The following GLDC variants were observed in gnomAD, a reference collection of about 807,000 sequenced individuals.
GLDC encodes the protein glycine decarboxylase, also known as glycine dehydrogenase (decarboxylating), mitochondrial.
Under a neutral mutation model 121.3 loss-of-function variants are expected in GLDC, and 104 were observed. The ratio of observed to expected loss-of-function variants is 0.86; its 90% CI spans 0.73 to 1.01. GLDC has a LOEUF of 1.01. Among genes scored for constraint, GLDC ranks in the 50% least tolerant of loss-of-function variants. GLDC has a pLI of 0.00. For missense variants in GLDC, 1,429 were observed against 1,306.6 expected, an observed-to-expected ratio of 1.09 and a Z score of -1.44; for synonymous variants, 546 against 480.6, an observed-to-expected ratio of 1.14 and a Z score of -1.78.
intron 1 of GLDC, 145 bp from the exon 2 acceptor site, chr9:6,644,837 G>T: frequency 1.5e-6 from 1 of 688,892 alleles, no homozygotes; most frequent in Non-Finnish European, 2.6e-6. Context: ...CTCTGAGCAA[G>T]CCAGAATGAT....
intron 8 of GLDC, among the ~76,000 whole-genome samples, chr9:6,598,923 G>C (rs1196297687): frequency 6.6e-6 from 1 of 152,174 alleles, no homozygotes; most frequent in Non-Finnish European, 1.5e-5. Flanking sequence ...GCTCATGCCT[G>C]TAATCCCAGC....
chr9:6,613,269 A>T (rs182764192), intron 3 of GLDC, among the ~76,000 whole-genome samples: 9 of 152,310 alleles, frequency 5.9e-5, no homozygotes. Flanking sequence ...CTTTAACATA[A>T]CTACAGTTAA....
At chr9:6,620,916 C>G (rs185146843) in intron 2 of GLDC, among the ~76,000 whole-genome samples, 214 of 152,262 alleles carry the variant, frequency 1.4e-3, no homozygotes, top group African/African-American at 4.8e-3. Context: ...ACCTGCAATC[C>G]CAGCACTTTG....
At chr9:6,548,776 G>A (rs1189740266) in intron 21 of GLDC, among the ~76,000 whole-genome samples, 1 of 152,192 alleles carries the variant, frequency 6.6e-6, no homozygotes, top group Non-Finnish European at 1.5e-5. Flanking sequence ...GCAAGGACTT[G>A]TACCTGGTTC....
At chr9:6,576,743 A>G (rs905883204) in intron 15 of GLDC, among the ~76,000 whole-genome samples, 26 of 152,354 alleles carry the variant, frequency 1.7e-4, no homozygotes, top group African/African-American at 5.3e-4. Flanking sequence ...CTGGGATTAC[A>G]GGCGTGAACC....
intron 8 of GLDC, 58 bp downstream of exon 8, chr9:6,602,051 G>C: frequency 3.0e-6 from 3 of 997,272 alleles, no homozygotes; most frequent in Non-Finnish European, 4.9e-6. Context: ...GAATGAATGA[G>C]TAGCTCATTT....
intron 9 of GLDC, among the ~76,000 whole-genome samples, 181 bp downstream of exon 9, chr9:6,594,823 GAAAGAAAGAA>G (rs1587952728): frequency 6.6e-6 from 1 of 151,506 alleles, no homozygotes. Context: ...AAGAAAGAAA[GAAAGAAAGAA>G]AAAGAAAGAG....
chr9:6,540,776 G>A (rs183857396), intron 21 of GLDC: 154 of 153,338 alleles, frequency 1.0e-3, no homozygotes, highest in African/African-American at 3.2e-3. Context: ...AAGTCTGTGC[G>A]ACCCAGTTCA....
At chr9:6,580,040 C>G (rs1818144494) in intron 15 of GLDC, among the ~76,000 whole-genome samples, 1 of 152,210 alleles carries the variant, frequency 6.6e-6, no homozygotes, top group African/African-American at 2.4e-5. Context: ...CACACAGTCT[C>G]AGAACTACGG....
chr9:6,591,248 C>G (rs76610829), intron 11 of GLDC, among the ~76,000 whole-genome samples: 6 of 152,190 alleles, frequency 3.9e-5, no homozygotes, highest in African/African-American at 1.4e-4. Context: ...CTAGAACACT[C>G]GGACCCATCT....
chr9:6,583,481 C>T (rs955168766), intron 15 of GLDC, among the ~76,000 whole-genome samples: 20 of 152,200 alleles, frequency 1.3e-4, no homozygotes, highest in African/African-American at 4.6e-4. Context: ...TCCAGACCAG[C>T]CTGGGCAATG....
chr9:6,594,802 TAAAA>T (rs1449785108), intron 9 of GLDC, among the ~76,000 whole-genome samples: 1 of 92,072 alleles, frequency 1.1e-5, no homozygotes, highest in Admixed American at 1.0e-4. Flanking sequence ...AAAAAGGAAA[TAAAA>T]GAAAGAAAGA....
At chr9:6,569,346 A>G (rs973204717) in intron 15 of GLDC, 2 of 152,196 alleles carry the variant, frequency 1.3e-5, no homozygotes, top group Non-Finnish European at 2.9e-5. Context: ...CTAGCCAAAC[A>G]TACTGAGAAT....
intron 2 of GLDC, among the ~76,000 whole-genome samples, chr9:6,625,214 C>T (rs1587976740): frequency 6.6e-6 from 1 of 152,024 alleles, no homozygotes; most frequent in Non-Finnish European, 1.5e-5. Flanking sequence ...CTCAGTGACC[C>T]GGCCGGAGGT....
At position 6,533,289 on chromosome 9, in the gene GLDC, A is replaced by T. The variant is rs573833518; in HGVS notation, c.2920-129T>A. Reference sequence around the variant, plus strand: ...CCAGCAAATATTCTGAGAACCTAAAATCCAACCCTACATTACCATTTAAAA... The same window carrying T: ...CCAGCAAATATTCTGAGAACCTAAATTCCAACCCTACATTACCATTTAAAA... On this transcript the variant is annotated intron_variant, in intron 24 of 24. Transcript: ENST00000321612. 4.8e-6 allele frequency: 4 copies of T among 835,152 alleles called. No homozygotes were observed. In the African/African-American group the frequency reaches 6.7e-5, roughly 14 times the overall value. The allele number at this position is 835,152 out of a possible 1,614,324, so 51.7% of individuals were successfully genotyped here.
At chr9:6,640,976 C>T (rs989954455) in intron 2 of GLDC, among the ~76,000 whole-genome samples, 3 of 152,106 alleles carry the variant, frequency 2.0e-5, no homozygotes, top group Non-Finnish European at 2.9e-5. Context: ...TTGTTGAGTG[C>T]GTGTGGATGG....
At chr9:6,611,457 G>A (rs1310752367) in intron 3 of GLDC, among the ~76,000 whole-genome samples, 2 of 152,070 alleles carry the variant, frequency 1.3e-5, no homozygotes, top group Non-Finnish European at 2.9e-5. Context: ...TCAGGAGGCT[G>A]AGGCAGGAGA....
At chr9:6,559,085 T>C (rs2129736437) in intron 16 of GLDC, among the ~76,000 whole-genome samples, 1 of 152,286 alleles carries the variant, frequency 6.6e-6, no homozygotes, top group South Asian at 2.1e-4. Context: ...GCTTGGCTTA[T>C]CCAGGACAGA....
chr9:6,558,378 A>G (rs1817679132), intron 17 of GLDC, 181 bp downstream of exon 17: 4 of 744,892 alleles, frequency 5.4e-6, no homozygotes, highest in Non-Finnish European at 9.4e-6. Context: ...AGCTGGAATT[A>G]GAAAACGGGG....
Sources: allele counts gnomAD v4.1 joint callset (sites outside exome capture counted in the v4.1 genomes callset), GRCh38; gene constraint gnomAD v4.1.1; transcripts MANE v1.5; gene names NCBI Gene and HGNC (gene_info 2026-07-23, HGNC 2026-07-21).